Variants in CELF4 observed in about 807,000 individuals in gnomAD.
CELF4 encodes CUG-BP- and ETR-3-like factor 4.
In CELF4, 18 loss-of-function variants were observed where a neutral mutation model predicts 59.9. That is an observed-to-expected ratio of 0.30 (90% confidence interval 0.21 to 0.45). The LOEUF (loss-of-function observed/expected upper bound fraction) is 0.45. Among genes scored for constraint, CELF4 ranks in the 20% least tolerant of loss-of-function variants. The probability of loss-of-function intolerance (pLI) is 1.00; values close to 1 mark genes in which losing one functional copy is unlikely to be tolerated. For synonymous variants in CELF4, 261 were observed against 267.1 expected, an observed-to-expected ratio of 0.98 and a Z score of 0.22; for missense variants, 456 against 689.0, an observed-to-expected ratio of 0.66 and a Z score of 3.79.
intron 1 of CELF4, among the ~76,000 whole-genome samples, chr18:37,503,268 C>G (rs942802195): frequency 6.6e-6 from 1 of 152,258 alleles, no homozygotes; most frequent in African/African-American, 2.4e-5. Context: ...GCTCTGCGCT[C>G]AGCCCCTGTT....
At chr18:37,343,552 C>T (rs928064041) in intron 2 of CELF4, among the ~76,000 whole-genome samples, 2 of 151,950 alleles carry the variant, frequency 1.3e-5, no homozygotes, top group Non-Finnish European at 2.9e-5. Context: ...TCCCATCCCA[C>T]CCCTGGTATA....
At chr18:37,325,577 C>T (rs118051442) in intron 2 of CELF4, among the ~76,000 whole-genome samples, 3 of 152,264 alleles carry the variant, frequency 2.0e-5, no homozygotes, top group South Asian at 2.1e-4. Context: ...CCCAACCAGA[C>T]GGGCCCTGGA....
rs565563362 is a variant in CELF4, at chr18:37,556,828, G to A, written c.286+8528C>T. Reference sequence around the variant, plus strand: ...GACTGCATCATTAAATTAGAATAATGAACAAACAGCCACGTATGGCATTCA... The same window carrying A: ...GACTGCATCATTAAATTAGAATAATAAACAAACAGCCACGTATGGCATTCA... On this transcript the variant is annotated intron_variant, in intron 1 of 12. Coordinates refer to ENST00000420428, the MANE Select transcript of CELF4 (RefSeq NM_020180.4). Among the ~76,000 whole-genome samples, 5 of 152,294 alleles carry A rather than the reference G, an allele frequency of 3.3e-5. No individual in the cohort carries two copies. The South Asian group carries it at 1.0e-3, about 32-fold the overall frequency.
intron 2 of CELF4, among the ~76,000 whole-genome samples, chr18:37,384,048 C>T (rs1024420202): frequency 2.6e-5 from 4 of 152,158 alleles, no homozygotes; most frequent in African/African-American, 7.2e-5. Flanking sequence ...TGAGCTTGTC[C>T]TGCCTCCTGC....
At chr18:37,435,814 C>T (rs1449570281) in intron 2 of CELF4, among the ~76,000 whole-genome samples, 1 of 152,162 alleles carries the variant, frequency 6.6e-6, no homozygotes, top group Non-Finnish European at 1.5e-5. Flanking sequence ...AGGGTCAGAG[C>T]CCTGTAGGAT....
At chr18:37,268,063 G>A (rs1243421166) in intron 8 of CELF4, among the ~76,000 whole-genome samples, 1 of 152,122 alleles carries the variant, frequency 6.6e-6, no homozygotes, top group African/African-American at 2.4e-5. Context: ...GAGCACCTGG[G>A]CCTGAGGGGT....
At chr18:37,322,340 G>A (rs774743247) in intron 2 of CELF4, among the ~76,000 whole-genome samples, 1 of 152,254 alleles carries the variant, frequency 6.6e-6, no homozygotes, top group Non-Finnish European at 1.5e-5. Flanking sequence ...CATCCAGCTT[G>A]ATCCCAGCCC....
At chr18:37,544,907 A>G (rs1412183010) in intron 1 of CELF4, among the ~76,000 whole-genome samples, 1 of 152,208 alleles carries the variant, frequency 6.6e-6, no homozygotes, top group Non-Finnish European at 1.5e-5. Context: ...CAACTTGGAC[A>G]GGGAGCTGAT....
At chr18:37,449,497 T>C (rs2099757208) in intron 2 of CELF4, among the ~76,000 whole-genome samples, 2 of 152,172 alleles carry the variant, frequency 1.3e-5, no homozygotes, top group Admixed American at 6.5e-5. Context: ...AGAAGCCCTA[T>C]GCCACTGAGT....
intron 3 of CELF4, chr18:37,305,336 G>T (rs529466776): frequency 1.3e-5 from 2 of 152,132 alleles, no homozygotes; most frequent in Admixed American, 6.5e-5. Flanking sequence ...AAATGTCTCC[G>T]CTCCACATTC....
chr18:37,391,125 T>G (rs904165382), intron 2 of CELF4, among the ~76,000 whole-genome samples: 2 of 152,010 alleles, frequency 1.3e-5, no homozygotes, highest in Non-Finnish European at 2.9e-5. Context: ...ATGGACCCCC[T>G]GGGGAGGGGT....
chr18:37,294,740 T>C (rs2095543205), intron 3 of CELF4, among the ~76,000 whole-genome samples: 1 of 152,224 alleles, frequency 6.6e-6, no homozygotes, highest in African/African-American at 2.4e-5. Context: ...GTCAGTGGAA[T>C]ACCCGTTTCA....
intron 2 of CELF4, among the ~76,000 whole-genome samples, chr18:37,363,182 G>T (rs1379531095): frequency 2.0e-5 from 3 of 152,146 alleles, no homozygotes; most frequent in African/African-American, 7.2e-5. Context: ...GCTGTGTGGG[G>T]AGGGGACGAG....
intron 1 of CELF4, among the ~76,000 whole-genome samples, chr18:37,546,849 C>T (rs1368081144): frequency 3.9e-5 from 6 of 152,204 alleles, no homozygotes; most frequent in African/African-American, 1.4e-4. Context: ...AGCCTCACCC[C>T]TTGCAGCCAG....
At chr18:37,360,710 C>T (rs1449898597) in intron 2 of CELF4, among the ~76,000 whole-genome samples, 1 of 152,124 alleles carries the variant, frequency 6.6e-6, no homozygotes, top group Non-Finnish European at 1.5e-5. Context: ...CCTCTGCTGG[C>T]TTGATATTTG....
At chr18:37,427,257 T>C (rs1226405289) in intron 2 of CELF4, among the ~76,000 whole-genome samples, 1 of 152,128 alleles carries the variant, frequency 6.6e-6, no homozygotes, top group Admixed American at 6.5e-5. Context: ...CCTGAACACA[T>C]TCTTGTTCTT....
intron 3 of CELF4, among the ~76,000 whole-genome samples, chr18:37,313,321 G>A (rs541281910): frequency 1.5e-4 from 23 of 152,154 alleles, no homozygotes; most frequent in Admixed American, 2.6e-4. Context: ...CCTCCTGCCT[G>A]GGCCGAGGGC....
chr18:37,267,178 C>T (rs1396709566), intron 8 of CELF4, among the ~76,000 whole-genome samples: 5 of 152,242 alleles, frequency 3.3e-5, no homozygotes, highest in African/African-American at 7.2e-5. Context: ...GGACCAGCTA[C>T]GCAAATAGGG....
chr18:37,503,921 G>A (rs1052349762), intron 1 of CELF4, among the ~76,000 whole-genome samples: 5 of 152,258 alleles, frequency 3.3e-5, no homozygotes, highest in Admixed American at 6.5e-5. Flanking sequence ...AAGTAAGGCC[G>A]GGGCTCAGTT....
Sources: gnomAD v4.1 joint callset for allele counts (sites outside exome capture counted in the v4.1 genomes callset) on GRCh38, gnomAD v4.1.1 for gene constraint, MANE v1.5 for transcripts, NCBI Gene and HGNC (gene_info 2026-07-23, HGNC 2026-07-21) for gene names.